Variants in TSBP1 observed in about 807,000 individuals in gnomAD.
TSBP1 encodes testis expressed basic protein 1.
TSBP1 carries 56 observed loss-of-function variants against 68.8 expected under a neutral mutation model. The ratio of observed to expected loss-of-function variants is 0.81; its 90% confidence interval spans 0.66 to 1.02. The LOEUF (loss-of-function observed/expected upper bound fraction) is 1.02. Ranked by LOEUF, TSBP1 falls within the 50% of genes least tolerant of loss-of-function variation. The pLI is 0.00. For missense variants in TSBP1, 502 were observed against 641.2 expected (o/e 0.78, Z 2.34); for synonymous variants, 171 against 208.7 (o/e 0.82, Z 1.56).
At position 32,299,771 on chromosome 6, in the gene TSBP1, CG is replaced by C. The variant is rs150721951; in HGVS notation, c.637+150del. ...CTGTCTCAAAAAGAAAAGTGGAGGG[CG>C]GGGGGGAACCTTGGAAGTTTCTGGA... On this transcript the variant is annotated intron_variant, in intron 22 of 22. Transcript: ENST00000612031. 5.2e-3 allele frequency: 3,431 copies of C among 658,768 alleles called. 85 individuals are homozygous for C. In the African/African-American group the frequency reaches 0.056, roughly 11 times the overall value. The allele number at this position is 658,768 out of a possible 1,614,324, so 40.8% of individuals were successfully genotyped here.
intron 22 of TSBP1, 97 bp from the exon 26 acceptor site, chr6:32,294,132 A>G: frequency 6.9e-7 from 1 of 1,456,006 alleles, no homozygotes; most frequent in Non-Finnish European, 9.5e-7. Context: ...TTGTCTTAAA[A>G]CTGACAAACT....
At chr6:32,330,030 G>A (rs1225702322) in intron 16 of TSBP1, among the ~76,000 whole-genome samples, 11 of 151,984 alleles carry the variant, frequency 7.2e-5, no homozygotes, top group African/African-American at 1.9e-4. Flanking sequence ...TCTCTTTGTC[G>A]TGCGTGTGTG....
chr6:32,327,379 C>CT (rs1768339250), intron 16 of TSBP1, among the ~76,000 whole-genome samples: 2 of 152,056 alleles, frequency 1.3e-5, no homozygotes, highest in Non-Finnish European at 2.9e-5. Context: ...TCAGTTCTCC[C>CT]TTGATAGGCT....
intron 9 of TSBP1, 94 bp from the exon 11 acceptor site, chr6:32,339,732 G>C: frequency 1.6e-6 from 1 of 619,590 alleles, no homozygotes; most frequent in Non-Finnish European, 2.9e-6. Context: ...CCCCTCCTCA[G>C]GTGTGGTACA....
rs1231597367 is a variant in TSBP1, at chr6:32,323,617, G to A, written c.515-3C>T. ...GCGGGGTGCTGAAGGTGGACCAGCT[G>A]AAAAACAGAGAGGTATCTTAGCAAC... On this transcript the variant is annotated splice_polypyrimidine_tract_variant and splice_region_variant and intron_variant, in intron 16 of 22. Transcript: ENST00000612031. The A allele has an allele frequency of 1.6e-5, 25 of 1,611,862 alleles. No individual in the cohort carries two copies. The highest frequency in any genetic ancestry group is 2.0e-5 in the Non-Finnish European group (24 of 1,179,264).
In TSBP1 at chr6:32,365,298, GTT is replaced by G; in HGVS notation, c.217+867_217+868del. On this transcript the variant is annotated intron_variant, in intron 6 of 22. Transcript: ENST00000612031. The surrounding 1 kb of genome is among the most constrained non-coding windows in gnomAD (Gnocchi z 4.3). ...TAGGGTGGTGCTCTGGAATTCTCAA[GTT>G]TGTGTCCTTTTTTCCAATCCCACAA... 2.2e-6 allele frequency: 1 copy of G among 456,906 alleles called. No individual in the cohort carries two copies. The highest frequency in any genetic ancestry group is 1.5e-5 in the South Asian group (1 of 64,558). 28.3% of individuals were successfully genotyped at this position (456,906 alleles called of 1,614,324 possible).
At chr6:32,369,080 G>GA (rs1403261476) in intron 2 of TSBP1, among the ~76,000 whole-genome samples, 5 of 152,126 alleles carry the variant, frequency 3.3e-5, no homozygotes, top group Non-Finnish European at 7.4e-5. Context: ...TTGTGGGAGA[G>GA]AAACAGAAAA....
intron 17 of TSBP1, 130 bp from the exon 19 acceptor site, chr6:32,323,267 ATTC>A: frequency 1.5e-6 from 1 of 675,882 alleles, no homozygotes; most frequent in East Asian, 2.6e-5. Flanking sequence ...ATGACTATGT[ATTC>A]TTGAGTAAGT....
At chr6:32,323,322 A>G (rs1767847334) in intron 17 of TSBP1, 185 bp from the exon 19 acceptor site, 1 of 661,900 alleles carries the variant, frequency 1.5e-6, no homozygotes, top group Admixed American at 2.5e-5. Context: ...GATTGGTGGA[A>G]TTATTCTAAG....
intron 4 of TSBP1, among the ~76,000 whole-genome samples, chr6:32,367,699 AG>A (rs1201852622): frequency 6.6e-6 from 1 of 152,228 alleles, no homozygotes; most frequent in African/African-American, 2.4e-5. Context: ...AGTAGACAGA[AG>A]ATGGAAATGA....
chr6:32,318,533 A>G (rs1345094276), intron 18 of TSBP1, among the ~76,000 whole-genome samples: 3 of 152,334 alleles, frequency 2.0e-5, no homozygotes, highest in Non-Finnish European at 4.4e-5. Context: ...AAAAAAGCCA[A>G]CCAAAGACAT....
At chr6:32,324,836 T>G in intron 16 of TSBP1, 1 of 1,061,296 alleles carries the variant, frequency 9.4e-7, no homozygotes, top group East Asian at 2.6e-5. Context: ...AATTATCAGC[T>G]GGTTGAATTC....
chr6:32,371,703 T>C (rs1403692618), exon 1 of TSBP1: 6 of 1,613,338 alleles, frequency 3.7e-6, no homozygotes, highest in Non-Finnish European at 5.1e-6. Flanking sequence ...CCCAAGACTG[T>C]CATTTTCCAT....
intron 8 of TSBP1, among the ~76,000 whole-genome samples, chr6:32,351,540 T>C (rs1771720581): frequency 6.6e-6 from 1 of 152,122 alleles, no homozygotes; most frequent in South Asian, 2.1e-4. Flanking sequence ...ATCTGAAAGA[T>C]GGAAGGAAAA....
intron 19 of TSBP1, among the ~76,000 whole-genome samples, chr6:32,310,762 T>TATATA (rs1554188790): frequency 9.7e-4 from 93 of 95,484 alleles, no homozygotes; most frequent in Middle Eastern, 4.5e-3. Context: ...TATATATATA[T>TATATA]TTTTAATCTT....
At chr6:32,360,344 A>C (rs1772854530) in intron 6 of TSBP1, among the ~76,000 whole-genome samples, 1 of 151,914 alleles carries the variant, frequency 6.6e-6, no homozygotes, top group Non-Finnish European at 1.5e-5. Context: ...CACAAATGGC[A>C]AGATTTCTTT....
At chr6:32,347,758 G>C (rs973314582) in intron 9 of TSBP1, among the ~76,000 whole-genome samples, 2 of 144,076 alleles carry the variant, frequency 1.4e-5, no homozygotes, top group Non-Finnish European at 3.1e-5. Flanking sequence ...ACTCCTCCAC[G>C]ATCTTTCACA....
intron 22 of TSBP1, among the ~76,000 whole-genome samples, chr6:32,298,299 G>A (rs917722841): frequency 6.6e-6 from 1 of 152,184 alleles, no homozygotes; most frequent in Admixed American, 6.5e-5. Context: ...AATTTCCCCG[G>A]CTGGGTGCAG....
Position 32,325,457 on chromosome 6 carries a change from T to C in TSBP1, c.515-1843A>G, listed in dbSNP as rs1768122564. 5.5e-6 allele frequency: 5 copies of C among 905,182 alleles called. No individual in the cohort carries two copies. The highest frequency in any genetic ancestry group is 1.7e-5 in the Admixed American group (1 of 58,990). 56.1% of individuals were successfully genotyped at this position (905,182 alleles called of 1,614,324 possible). On this transcript the variant is annotated intron_variant, in intron 16 of 22. Transcript: ENST00000612031. The surrounding 1 kb of genome is among the most constrained non-coding windows in gnomAD (Gnocchi z 4.4). ...TGAATGCAAGGCCACACAAGGTGGA[T>C]GGAAGAGCTGTGGAACCAAAGAGAG... is the stretch of plus-strand genomic sequence containing the variant.
Sources: allele counts gnomAD v4.1 joint callset (sites outside exome capture counted in the v4.1 genomes callset), GRCh38; gene constraint gnomAD v4.1.1; non-coding constraint Gnocchi (gnomAD v3.1); transcripts MANE v1.5; gene names NCBI Gene and HGNC (gene_info 2026-07-23, HGNC 2026-07-21).